Variants in MRPS11 observed in about 807,000 individuals in gnomAD.
MRPS11 encodes the protein mitochondrial ribosomal protein S11, also known as small ribosomal subunit protein uS11m.
A neutral mutation model predicts 24.3 loss-of-function variants in MRPS11; 27 were observed. The observed-to-expected ratio is 1.11, with a 90% CI of 0.82 to 1.53. The LOEUF (loss-of-function observed/expected upper bound fraction) is 1.53, where lower values mean the gene tolerates loss of function less well. Among genes scored for constraint, MRPS11 ranks in the 40% most tolerant of loss-of-function variants. The pLI is 0.00. For synonymous variants in MRPS11, 104 were observed against 98.7 expected (o/e 1.05, Z -0.32); for missense variants, 277 against 256.5 (o/e 1.08, Z -0.55).
In MRPS11 at chr15:88,477,642, G is replaced by A. The variant is rs2055849709; in HGVS notation, c.478-230G>A. ...GATCGTAAAGTGCAAAGTGGAAAGT[G>A]GTGGGTACAGTTTGAGAGGGGAACA... On this transcript the variant is annotated intron_variant, in intron 5 of 5. Coordinates refer to ENST00000325844, the MANE Select transcript of MRPS11 (RefSeq NM_022839.5). The surrounding 1 kb of genome is among the most constrained non-coding windows in gnomAD (Gnocchi z 5.7). Among the ~76,000 whole-genome samples, 1 of 152,146 alleles carries A rather than the reference G, an allele frequency of 6.6e-6. No individual in the cohort carries two copies. The highest frequency in any genetic ancestry group is 1.5e-5 in the Non-Finnish European group (1 of 68,034).
chr15:88,467,872 G>A (rs934460516), intron 1 of MRPS11, 36 bp from the exon 2 acceptor site: 2 of 1,613,480 alleles, frequency 1.2e-6, no homozygotes, highest in Non-Finnish European at 1.7e-6. Flanking sequence ...CCCAGTGACC[G>A]TTAGGCCGTG....
chr15:88,478,020 G>C lies in MRPS11; in HGVS notation c.*41G>C. On this transcript the variant is annotated 3_prime_UTR_variant, in exon 6 of 6. Transcript: ENST00000325844. This position sits in a 1 kb window ranked among gnomAD's most constrained non-coding sequence, Gnocchi z 4.7. ...CACTTGGACCTGACCTCAAGCCTCA[G>C]CTCCAGTGGGACCTTGTAAAATGCT... 1 of 1,499,602 alleles carries C rather than the reference G, an allele frequency of 6.7e-7. No individual in the cohort carries two copies. The allele number at this position is 1,499,602 out of a possible 1,614,324, so 92.9% of individuals were successfully genotyped here. A position where few individuals can be genotyped will look rare whatever the true frequency, so the allele number is the denominator to read the frequency against.
chr15:88,470,794 G>A (rs1402396070), intron 2 of MRPS11, among the ~76,000 whole-genome samples: 1 of 152,228 alleles, frequency 6.6e-6, no homozygotes, highest in East Asian at 1.9e-4. Context: ...AGTATAGTCA[G>A]TACCTTAAAG....
intron 4 of MRPS11, 151 bp from the exon 5 acceptor site, chr15:88,476,838 C>T: frequency 1.5e-6 from 1 of 687,254 alleles, no homozygotes; most frequent in Non-Finnish European, 2.5e-6. Context: ...CGCCTGTCCT[C>T]CACTATAGCC....
Position 88,477,771 on chromosome 15 carries a change from C to T in MRPS11, c.478-101C>T, listed in dbSNP as rs1304157400. On this transcript the variant is annotated intron_variant, in intron 5 of 5. Transcript: ENST00000325844. The surrounding 1 kb of genome is among the most constrained non-coding windows in gnomAD (Gnocchi z 5.7). The stretch of plus-strand genomic sequence containing the variant: ...CAGTGAGCATCTCACCCCTCCGTTC[C>T]CTTCTCTACGCCACCCTGTCCCTCT... The T allele has an allele frequency of 1.7e-5, 17 of 975,810 alleles. No individual in the cohort carries two copies. The highest frequency in any genetic ancestry group is 2.4e-5 in the Non-Finnish European group (15 of 624,238). 60.4% of individuals were successfully genotyped at this position (975,810 alleles called of 1,614,324 possible). A position where few individuals can be genotyped will look rare whatever the true frequency, so the allele number is the denominator to read the frequency against.
At chr15:88,472,086 G>C (rs1567044462) in intron 2 of MRPS11, 1 of 152,334 alleles carries the variant, frequency 6.6e-6, no homozygotes, top group Non-Finnish European at 1.5e-5. Context: ...TTAGTAATTG[G>C]GACAGAGACC....
At chr15:88,472,547 AT>A (rs2055734846) in intron 2 of MRPS11, 79 bp from the exon 3 acceptor site, 1 of 1,239,676 alleles carries the variant, frequency 8.1e-7, no homozygotes, top group Non-Finnish European at 1.2e-6. Flanking sequence ...CAGAGCTGTT[AT>A]TTTTTAACCA....
intron 3 of MRPS11, among the ~76,000 whole-genome samples, chr15:88,474,786 T>C (rs1276257834): frequency 6.6e-6 from 1 of 152,218 alleles, no homozygotes; most frequent in African/African-American, 2.4e-5. Context: ...TCAGATTTCT[T>C]ATGTTATTCT....
Position 88,467,911 on chromosome 15 carries a change from G to C in MRPS11, c.69G>C (p.Arg23Ser), listed in dbSNP as rs748362898. 11 of 1,613,748 alleles carry C rather than the reference G, an allele frequency of 6.8e-6. No homozygotes were observed. The East Asian group carries it at 2.5e-4, about 36-fold the overall frequency. The change falls in exon 2 of 6, where the codon AGG becomes AGC. Residue 23 changes from arginine to serine, a missense_variant. Transcript: ENST00000325844. ...CTCACCGAGCTTTTCTTCCCAGCAG[G>C]GTCGTGGCCAGAACGCCGGCCGGGA... Reference protein sequence around the residue: ...RSWTWPQTAGRVVARTPAGTI... With the variant: ...RSWTWPQTAGSVVARTPAGTI...
rs768473127 is a variant in MRPS11, at chr15:88,477,522, C to A, written c.478-350C>A. 6.6e-6 allele frequency among the ~76,000 whole-genome samples: 1 copy of A among 152,112 alleles called. No homozygotes were observed. Among genetic ancestry groups the A allele is most frequent in the Non-Finnish European group, 1.5e-5 (1 of 68,034 alleles). Reference sequence around the variant, plus strand: ...CAGGGAGGTGGAGGCACAGCAGGTACGGGGGGACATTGCAGGCAGAGAAAA... The same window carrying A: ...CAGGGAGGTGGAGGCACAGCAGGTAAGGGGGGACATTGCAGGCAGAGAAAA... On this transcript the variant is annotated intron_variant, in intron 5 of 5. Coordinates refer to ENST00000325844, the MANE Select transcript of MRPS11 (RefSeq NM_022839.5). This position sits in a 1 kb window ranked among gnomAD's most constrained non-coding sequence, Gnocchi z 5.7.
At chr15:88,471,031 C>T (rs963000215) in intron 2 of MRPS11, among the ~76,000 whole-genome samples, 1 of 152,168 alleles carries the variant, frequency 6.6e-6, no homozygotes, top group African/African-American at 2.4e-5. Context: ...AAGTGGAGCA[C>T]TGTAACAGGA....
chr15:88,470,391 A>C (rs553818693), intron 2 of MRPS11, among the ~76,000 whole-genome samples: 1 of 152,208 alleles, frequency 6.6e-6, no homozygotes, highest in African/African-American at 2.4e-5. Flanking sequence ...GGGAGACATC[A>C]TAGAGATGAT....
intron 3 of MRPS11, among the ~76,000 whole-genome samples, chr15:88,474,802 C>G (rs59690959): frequency 0.042 from 6,362 of 152,210 alleles, 503 homozygotes; most frequent in African/African-American, 0.15. Context: ...ATTCTCTTCA[C>G]TTTTGTGTAT....
intron 4 of MRPS11, among the ~76,000 whole-genome samples, chr15:88,476,461 C>T (rs2142219944): frequency 6.6e-6 from 1 of 152,258 alleles, no homozygotes; most frequent in East Asian, 1.9e-4. Flanking sequence ...TGTAAATGCC[C>T]AACCATGGAC....
In MRPS11 at chr15:88,477,184, C is replaced by A; in HGVS notation, c.477+130C>A. The A allele has an allele frequency of 1.2e-6, 1 of 848,818 alleles. No homozygotes were observed. Among genetic ancestry groups the A allele is most frequent in the South Asian group, 1.6e-5 (1 of 63,596 alleles). The allele number at this position is 848,818 out of a possible 1,614,324, so 52.6% of individuals were successfully genotyped here. On this transcript the variant is annotated intron_variant, in intron 5 of 5. Coordinates refer to ENST00000325844, the MANE Select transcript of MRPS11 (RefSeq NM_022839.5). This position sits in a 1 kb window ranked among gnomAD's most constrained non-coding sequence, Gnocchi z 5.7. ...TTCCATGTTTGCTTGAAGTTCCCGTCTGTTGTTTCTATAATTGACCAAGCC... is the reference window on the plus strand; with the variant it reads ...TTCCATGTTTGCTTGAAGTTCCCGTATGTTGTTTCTATAATTGACCAAGCC...
intron 1 of MRPS11, 44 bp downstream of exon 1, chr15:88,467,826 C>G (rs951994139): frequency 6.2e-7 from 1 of 1,613,550 alleles, no homozygotes; most frequent in South Asian, 1.1e-5. Flanking sequence ...ACCTCCAGGA[C>G]TATGCTCCTA....
chr15:88,478,186 C>T lies in MRPS11; in HGVS notation c.*207C>T, dbSNP rs954132166. 1 of 583,990 alleles carries T rather than the reference C, an allele frequency of 1.7e-6. No individual in the cohort carries two copies. Among genetic ancestry groups the T allele is most frequent in the Non-Finnish European group, 3.0e-6 (1 of 327,970 alleles). 36.2% of individuals were successfully genotyped at this position (583,990 alleles called of 1,614,324 possible). ...CCAGAAGTAAGCTTTGCATCTCTTA[C>T]AAGAGGGGAGCTACAGGGGCAGCCG... is the stretch of plus-strand genomic sequence containing the variant. On this transcript the variant is annotated 3_prime_UTR_variant, in exon 6 of 6. Coordinates refer to ENST00000325844, the MANE Select transcript of MRPS11 (RefSeq NM_022839.5). This position sits in a 1 kb window ranked among gnomAD's most constrained non-coding sequence, Gnocchi z 4.7.
At chr15:88,474,193 GAAAA>G (rs976664767) in intron 3 of MRPS11, among the ~76,000 whole-genome samples, 1 of 149,122 alleles carries the variant, frequency 6.7e-6, no homozygotes, top group Admixed American at 6.6e-5. Context: ...AAATAAAAAA[GAAAA>G]AAAGAGAAAA....
intron 3 of MRPS11, 106 bp downstream of exon 3, chr15:88,472,831 T>C (rs750310484): frequency 2.8e-5 from 24 of 872,248 alleles, no homozygotes; most frequent in Non-Finnish European, 4.4e-5. Context: ...GTGAGGGTGC[T>C]AAGTGCTGCA....
Sources: gnomAD v4.1 joint callset for allele counts (sites outside exome capture counted in the v4.1 genomes callset) on GRCh38, gnomAD v4.1.1 for gene constraint, Gnocchi (gnomAD v3.1) non-coding constraint, MANE v1.5 for transcripts, NCBI Gene and HGNC (gene_info 2026-07-23, HGNC 2026-07-21) for gene names.